The following DNAH10 variants were observed in gnomAD, a reference collection of about 807,000 sequenced individuals.
The protein encoded by DNAH10 is axonemal beta dynein heavy chain 10.
DNAH10 carries 348 observed loss-of-function variants against 506.6 expected under a neutral mutation model. The observed-to-expected ratio is 0.69, with a 90% CI of 0.63 to 0.75. The LOEUF (loss-of-function observed/expected upper bound fraction) is 0.75, where lower values mean the gene tolerates loss of function less well. Ranked by LOEUF, DNAH10 falls within the 30% of genes least tolerant of loss-of-function variation. DNAH10 has a pLI of 0.00. For synonymous variants in DNAH10, 2,059 were observed against 2,198.6 expected (o/e 0.94, Z 1.78); for missense variants, 5,179 against 5,787.1 (o/e 0.89, Z 3.41).
At chr12:123,860,661 A>G (rs1358604237) in intron 38 of DNAH10, among the ~76,000 whole-genome samples, 1 of 152,200 alleles carries the variant, frequency 6.6e-6, no homozygotes, top group Non-Finnish European at 1.5e-5. Context: ...GTGGTCTCCT[A>G]TACGCCCTTA....
At position 123,818,992 on chromosome 12, in the gene DNAH10, A is replaced by G. The variant is rs748916901; in HGVS notation, c.3823A>G (p.Ile1275Val). 3 of 1,608,042 alleles carry G rather than the reference A, an allele frequency of 1.9e-6. No homozygotes were observed. In the African/African-American group the frequency reaches 4.0e-5, roughly 21 times the overall value. ...AGAACTGGTTGATAAGATTGAGAGC[A>G]TATGGTCCAATCTGTTTAATGATTC... ...EKELVDKIES[I>V]WSNLFNDSVN... is the part of the protein sequence containing the mutation. Residue 1275 changes from isoleucine to valine, a missense_variant, in exon 22 of 79, where the codon ATA becomes GTA. This residue lies in a region of DNAH10 where 4,844 missense variants were observed against 5,430.5 expected (regional missense o/e 0.89). Coordinates refer to ENST00000673944, the MANE Select transcript of DNAH10 (RefSeq NM_001372106.1).
At chr12:123,812,969 C>T (rs983129654) in intron 19 of DNAH10, among the ~76,000 whole-genome samples, 195 bp from the exon 20 acceptor site, 4 of 152,114 alleles carry the variant, frequency 2.6e-5, no homozygotes, top group African/African-American at 9.7e-5. Context: ...ACAAGGCTTG[C>T]TCCGGAAGGG....
intron 33 of DNAH10, 89 bp downstream of exon 33, chr12:123,848,184 G>T: frequency 6.6e-7 from 1 of 1,517,576 alleles, no homozygotes; most frequent in Non-Finnish European, 8.8e-7. Context: ...TCTTTGACAT[G>T]GCGACAGTGG....
At chr12:123,918,599 G>A in intron 64 of DNAH10, 77 bp from the exon 65 acceptor site, 1 of 1,495,776 alleles carries the variant, frequency 6.7e-7, no homozygotes, top group Non-Finnish European at 9.0e-7. Flanking sequence ...ATACCTCTCT[G>A]CTGTCCCCCT....
chr12:123,925,298 G>C lies in DNAH10; in HGVS notation c.11921+94G>C, dbSNP rs1954895440. 13 of 1,558,076 alleles carry C rather than the reference G, an allele frequency of 8.3e-6. No homozygotes were observed. The Middle Eastern group carries it at 9.9e-4, about 119-fold the overall frequency. ...ACTCAAAGAAAGCAGAGGCTGACCA[G>C]CTCCCGAGACAGCTGTCGCCACCCT... On this transcript the variant is annotated intron_variant, in intron 68 of 78. Coordinates refer to ENST00000673944, the MANE Select transcript of DNAH10 (RefSeq NM_001372106.1). This position sits in a 1 kb window ranked among gnomAD's most constrained non-coding sequence, Gnocchi z 4.0.
At chr12:123,783,075 G>T (rs751706236) in intron 6 of DNAH10, 32 bp from the exon 7 acceptor site, 1 of 1,608,858 alleles carries the variant, frequency 6.2e-7, no homozygotes, top group East Asian at 2.2e-5. Flanking sequence ...TTTCCTGAAC[G>T]AATGACTGAC....
chr12:123,854,420 C>T (rs6488905), intron 36 of DNAH10, among the ~76,000 whole-genome samples: 4 of 151,830 alleles, frequency 2.6e-5, no homozygotes, highest in Non-Finnish European at 5.9e-5. Context: ...CCTCCTAGGG[C>T]GGTGAATATG....
Position 123,931,553 on chromosome 12 carries a change from C to G in DNAH10, c.12916+81C>G, listed in dbSNP as rs908925210. ...TTGTAGCCCTCCCACGTTGCTGATG[C>G]CTTTCCCAGAACTGGAAGGCTCAGG... is the stretch of plus-strand genomic sequence containing the variant. On this transcript the variant is annotated intron_variant, in intron 74 of 78. Coordinates refer to ENST00000673944, the MANE Select transcript of DNAH10 (RefSeq NM_001372106.1). 1.6e-5 allele frequency: 25 copies of G among 1,605,420 alleles called. No individual in the cohort carries two copies. The African/African-American group carries it at 3.1e-4, about 20-fold the overall frequency.
rs2137561447 is a variant in DNAH10 at position 123,919,968 on chromosome 12, G to T, written c.11506+1019G>T. ...AATGTGTGTTTTTAATTCTCTTGGG[G>T]GTATATCTAGAAAGGGAACTGCTGG... On this transcript the variant is annotated intron_variant, in intron 65 of 78. Coordinates refer to ENST00000673944, the MANE Select transcript of DNAH10 (RefSeq NM_001372106.1). The surrounding 1 kb of genome is among the most constrained non-coding windows in gnomAD (Gnocchi z 4.9). Among the ~76,000 whole-genome samples, 1 of 152,266 alleles carries T rather than the reference G, an allele frequency of 6.6e-6. No homozygotes were observed. The highest frequency in any genetic ancestry group is 6.5e-5 in the Admixed American group (1 of 15,292).
In DNAH10 at chr12:123,799,256, A is replaced by C. The variant is rs1291581334; in HGVS notation, c.2174A>C (p.Lys725Thr). The C allele has an allele frequency of 1.2e-6, 2 of 1,607,306 alleles. No individual in the cohort carries two copies. Among genetic ancestry groups the C allele is most frequent in the South Asian group, 1.1e-5 (1 of 90,190 alleles). ...TGAATTCTTTGATAGGTCAAACAAA[A>C]ATATTTGGAAGTAGGTAGGACAATG... ...DSDRGQEVKQ[K>T]YLEVGRTMKE... Residue 725 changes from lysine (K) to threonine (T), a missense_variant, in exon 14 of 79, where the codon AAA becomes ACA. Around this residue, in one of 3 missense-constraint regions of DNAH10, gnomAD observed 4,844 missense variants for 5,430.5 expected, o/e 0.89. Coordinates refer to ENST00000673944, the MANE Select transcript of DNAH10 (RefSeq NM_001372106.1).
Position 123,894,712 on chromosome 12 carries a change from A to G in DNAH10, c.9269A>G (p.Lys3090Arg). ...WPPQALHAVA[K>R]SFLGYNPMIP... ...CCCCAAGCCCTCCATGCGGTCGCAA[A>G]GTCCTTTCTAGGTAAGTCACAGCTG... The change falls in exon 54 of 79, where the codon AAG (lysine) becomes AGG (arginine). Residue 3090 changes from lysine (K) to arginine (R), a missense_variant. By Grantham distance (26) the Lys-to-Arg change is conservative. Coordinates refer to ENST00000673944, the MANE Select transcript of DNAH10 (RefSeq NM_001372106.1). The G allele has an allele frequency of 1.2e-6, 2 of 1,613,952 alleles. No individual in the cohort carries two copies. The highest frequency in any genetic ancestry group is 1.7e-6 in the Non-Finnish European group (2 of 1,179,802).
chr12:123,865,701 A>C (rs1951778101), intron 40 of DNAH10, among the ~76,000 whole-genome samples: 1 of 152,204 alleles, frequency 6.6e-6, no homozygotes, highest in Non-Finnish European at 1.5e-5. Context: ...TTTTTGTCAG[A>C]TATTCTACAA....
At chr12:123,934,842 C>T in intron 78 of DNAH10, 76 bp downstream of exon 78, 1 of 1,571,770 alleles carries the variant, frequency 6.4e-7, no homozygotes, top group Non-Finnish European at 8.6e-7. Context: ...AGGTGGTTTC[C>T]AACAGTCCTA....
intron 12 of DNAH10, 74 bp from the exon 13 acceptor site, chr12:123,796,582 A>G (rs1410884247): frequency 2.1e-6 from 3 of 1,397,406 alleles, no homozygotes; most frequent in Non-Finnish European, 2.9e-6. Flanking sequence ...GTTTCCTTAA[A>G]GATTCAAATC....
Position 123,774,135 on chromosome 12 carries a change from C to A in DNAH10, c.506-14C>A. 6.4e-7 allele frequency: 1 copy of A among 1,574,164 alleles called. No homozygotes were observed. The highest frequency in any genetic ancestry group is 8.7e-7 in the Non-Finnish European group (1 of 1,155,430). On this transcript the variant is annotated splice_polypyrimidine_tract_variant and intron_variant, in intron 4 of 78. Coordinates refer to ENST00000673944, the MANE Select transcript of DNAH10 (RefSeq NM_001372106.1). ...CTCCCACTGACCTTACATTCTACAC[C>A]TGTTCTTCTTTAGAGGCAATCTCTG...
Position 123,917,490 on chromosome 12 carries a change from G to A in DNAH10, c.11003-94G>A. 1 of 1,310,154 alleles carries A rather than the reference G, an allele frequency of 7.6e-7. No homozygotes were observed. The highest frequency in any genetic ancestry group is 1.0e-6 in the Non-Finnish European group (1 of 953,062). The allele number at this position is 1,310,154 out of a possible 1,614,324, so 81.2% of individuals were successfully genotyped here. On this transcript the variant is annotated intron_variant, in intron 63 of 78. Coordinates refer to ENST00000673944, the MANE Select transcript of DNAH10 (RefSeq NM_001372106.1). The surrounding 1 kb of genome is among the most constrained non-coding windows in gnomAD (Gnocchi z 5.6). ...CTCGTGCCTCTGGCCTGCTGGCTGA[G>A]ACCCGCGCTAAGCTTGTCCCGTCAC...
chr12:123,851,280 T>C (rs7958542), intron 35 of DNAH10, among the ~76,000 whole-genome samples: 122 of 134,372 alleles, frequency 9.1e-4, no homozygotes, highest in African/African-American at 3.7e-3. Flanking sequence ...GATGTGTTAG[T>C]TCCATGTGGG....
At chr12:123,783,741 G>A (rs778736941) in intron 7 of DNAH10, among the ~76,000 whole-genome samples, 3 of 152,152 alleles carry the variant, frequency 2.0e-5, no homozygotes, top group Non-Finnish European at 4.4e-5. Flanking sequence ...TCAGTTGTCC[G>A]GAGAAAGGCA....
intron 47 of DNAH10, among the ~76,000 whole-genome samples, chr12:123,876,827 A>G (rs992759630): frequency 2.6e-5 from 4 of 151,614 alleles, no homozygotes; most frequent in Non-Finnish European, 5.9e-5. Flanking sequence ...GCCAGGTATG[A>G]TGGTGTCCTG....
Sources: allele counts gnomAD v4.1 joint callset (sites outside exome capture counted in the v4.1 genomes callset), GRCh38; gene constraint gnomAD v4.1.1; regional missense constraint gnomAD v4.1.1; non-coding constraint Gnocchi (gnomAD v3.1); transcripts MANE v1.5; gene names NCBI Gene and HGNC (gene_info 2026-07-23, HGNC 2026-07-21).